HS3ST4: variants seen among roughly 807,000 people sequenced by gnomAD.
HS3ST4 encodes the protein heparan sulfate glucosamine 3-O-sulfotransferase 4.
A neutral mutation model predicts 29.2 loss-of-function variants in HS3ST4; 17 were observed. The ratio of observed to expected loss-of-function variants is 0.58; its 90% CI spans 0.40 to 0.87. The LOEUF is 0.87. HS3ST4 is among the 40% of genes least tolerant of loss of function. The pLI is 0.00. For synonymous variants in HS3ST4, 314 were observed against 285.7 expected (o/e 1.10, Z -1.00); for missense variants, 627 against 634.5 (o/e 0.99, Z 0.13).
chr16:26,132,707 G>T (rs572781097), intron 1 of HS3ST4, among the ~76,000 whole-genome samples: 3 of 152,104 alleles, frequency 2.0e-5, no homozygotes, highest in Non-Finnish European at 4.4e-5. Flanking sequence ...GAAGGCAAAG[G>T]TGAAGAATGG....
chr16:25,730,843 C>T (rs55704332), intron 1 of HS3ST4, among the ~76,000 whole-genome samples: 7,345 of 152,018 alleles, frequency 0.048, 298 homozygotes, highest in African/African-American at 0.11. Flanking sequence ...ACTTGGGGGT[C>T]TCCAACACCA....
intron 1 of HS3ST4, among the ~76,000 whole-genome samples, chr16:26,101,692 A>G (rs569278535): frequency 6.6e-6 from 1 of 152,322 alleles, no homozygotes; most frequent in Admixed American, 6.5e-5. Flanking sequence ...TAATGAAAGA[A>G]TGGATGAATG....
chr16:25,955,223 C>T (rs1463865358), intron 1 of HS3ST4, among the ~76,000 whole-genome samples: 1 of 152,022 alleles, frequency 6.6e-6, no homozygotes, highest in African/African-American at 2.4e-5. Flanking sequence ...TGGTATTTAC[C>T]CTAGACTTGT....
intron 1 of HS3ST4, among the ~76,000 whole-genome samples, chr16:25,722,609 G>A (rs1471834307): frequency 6.6e-6 from 1 of 152,222 alleles, no homozygotes; most frequent in African/African-American, 2.4e-5. Context: ...GATTTTGGAA[G>A]AAATGATGTG....
At chr16:25,904,414 C>G (rs144869998) in intron 1 of HS3ST4, among the ~76,000 whole-genome samples, 1 of 152,180 alleles carries the variant, frequency 6.6e-6, no homozygotes, top group Non-Finnish European at 1.5e-5. Context: ...ATTGAAATAA[C>G]AGGTGGCAAC....
chr16:25,790,643 A>T (rs1006345376), intron 1 of HS3ST4, among the ~76,000 whole-genome samples: 1 of 152,102 alleles, frequency 6.6e-6, no homozygotes, highest in Non-Finnish European at 1.5e-5. Context: ...CACTGATAAG[A>T]TTGACCACTC....
At chr16:25,839,941 T>C (rs530366558) in intron 1 of HS3ST4, among the ~76,000 whole-genome samples, 5 of 152,334 alleles carry the variant, frequency 3.3e-5, no homozygotes, top group African/African-American at 1.2e-4. Context: ...AGGAAGAAAG[T>C]ATAGGCCGAG....
intron 1 of HS3ST4, among the ~76,000 whole-genome samples, chr16:26,095,975 A>G (rs1285232975): frequency 6.6e-6 from 1 of 152,240 alleles, no homozygotes; most frequent in Non-Finnish European, 1.5e-5. Flanking sequence ...GCCATCAGAG[A>G]ATACTATAAA....
intron 1 of HS3ST4, among the ~76,000 whole-genome samples, chr16:25,861,529 G>A (rs539026918): frequency 6.6e-6 from 1 of 151,914 alleles, no homozygotes; most frequent in Non-Finnish European, 1.5e-5. Flanking sequence ...AAACTTTTTT[G>A]TTGTTGTTGT....
chr16:25,777,700 A>G (rs9923775), intron 1 of HS3ST4, among the ~76,000 whole-genome samples: 68,163 of 151,946 alleles, frequency 0.45, 15,543 homozygotes, highest in South Asian at 0.57. Context: ...CCCAGGAGAC[A>G]GAAGTTGCAG....
chr16:25,794,960 C>T, intron 1 of HS3ST4, among the ~76,000 whole-genome samples: 1 of 145,358 alleles, frequency 6.9e-6, no homozygotes, highest in East Asian at 2.0e-4. Flanking sequence ...TAATTTTCAT[C>T]TTTTTTTCTT....
intron 1 of HS3ST4, among the ~76,000 whole-genome samples, chr16:25,798,381 C>A (rs9933121): frequency 0.52 from 79,310 of 152,068 alleles, 21,141 homozygotes; most frequent in African/African-American, 0.6. Flanking sequence ...GTCAGCTGTA[C>A]TTATCCTACA....
chr16:25,886,895 G>C (rs994180625), intron 1 of HS3ST4: 1 of 152,244 alleles, frequency 6.6e-6, no homozygotes, highest in Non-Finnish European at 1.5e-5. Context: ...GGAGCTGACT[G>C]TTTGTCCTTT....
At chr16:25,798,861 G>A (rs977471056) in intron 1 of HS3ST4, among the ~76,000 whole-genome samples, 5 of 152,154 alleles carry the variant, frequency 3.3e-5, no homozygotes, top group African/African-American at 1.2e-4. Flanking sequence ...TGATTCATCA[G>A]ACATGCCCGT....
intron 1 of HS3ST4, among the ~76,000 whole-genome samples, chr16:25,701,091 C>G (rs566262005): frequency 3.9e-5 from 6 of 152,198 alleles, no homozygotes; most frequent in Non-Finnish European, 8.8e-5. Context: ...CACTAGGCCC[C>G]TGTCTCTTTC....
intron 1 of HS3ST4, among the ~76,000 whole-genome samples, chr16:25,812,703 C>CTTT (rs11382075): frequency 2.0e-5 from 3 of 146,592 alleles, no homozygotes; most frequent in Non-Finnish European, 3.0e-5. Context: ...AAAGTACTTC[C>CTTT]TTTTTTTTTT....
At chr16:25,731,698 A>G (rs548680261) in intron 1 of HS3ST4, among the ~76,000 whole-genome samples, 1 of 152,256 alleles carries the variant, frequency 6.6e-6, no homozygotes, top group Non-Finnish European at 1.5e-5. Flanking sequence ...ATCTCCCAGG[A>G]GCTGGTCAAA....
chr16:26,086,640 T>G (rs989780935), intron 1 of HS3ST4, among the ~76,000 whole-genome samples: 1 of 152,212 alleles, frequency 6.6e-6, no homozygotes, highest in Admixed American at 6.5e-5. Context: ...TGAGCCACCA[T>G]GCCCAGCCTA....
intron 1 of HS3ST4, among the ~76,000 whole-genome samples, chr16:25,858,612 T>G (rs1967607648): frequency 1.3e-5 from 2 of 152,164 alleles, no homozygotes; most frequent in Admixed American, 1.3e-4. Flanking sequence ...AGTAGCTATT[T>G]CCAAATTGCT....
Sources: allele counts gnomAD v4.1 joint callset (sites outside exome capture counted in the v4.1 genomes callset), GRCh38; gene constraint gnomAD v4.1.1; transcripts MANE v1.5; gene names NCBI Gene and HGNC (gene_info 2026-07-23, HGNC 2026-07-21).